Variants in OLFM3 observed in about 807,000 individuals in gnomAD.
The protein encoded by OLFM3 is noelin-3.
OLFM3 carries 20 observed loss-of-function variants against 48.6 expected under a neutral mutation model. That is an observed-to-expected ratio of 0.41 (90% CI 0.29 to 0.60). OLFM3 has a LOEUF of 0.60. Among genes scored for constraint, OLFM3 ranks in the 20% least tolerant of loss-of-function variants. OLFM3 has a pLI of 0.28. For synonymous variants in OLFM3, 222 were observed against 198.1 expected, an observed-to-expected ratio of 1.12 and a Z score of -1.01; for missense variants, 437 against 544.3, an observed-to-expected ratio of 0.80 and a Z score of 1.96.
chr1:101,852,112 T>G (rs2100949747), intron 1 of OLFM3, among the ~76,000 whole-genome samples: 1 of 151,814 alleles, frequency 6.6e-6, no homozygotes, highest in South Asian at 2.1e-4. Flanking sequence ...CCCAGCATCA[T>G]AAATACCACC....
chr1:101,904,774 C>T (rs1658500297), intron 1 of OLFM3, among the ~76,000 whole-genome samples: 2 of 152,072 alleles, frequency 1.3e-5, no homozygotes, highest in African/African-American at 4.8e-5. Flanking sequence ...ATAACTCTTA[C>T]AATTATGAAA....
At chr1:101,967,187 A>C (rs1048315804) in intron 1 of OLFM3, among the ~76,000 whole-genome samples, 2 of 152,112 alleles carry the variant, frequency 1.3e-5, no homozygotes, top group Admixed American at 6.5e-5. Context: ...ATCACTCAGT[A>C]ATTTGGGCTT....
At position 101,838,771 on chromosome 1, in the gene OLFM3, C is replaced by T. The variant is rs115043905; in HGVS notation, c.70-1746G>A. ...CTGCGACTAAAGCTCTAAGCCACCG[C>T]GCTGGGCCAGGAGCAAATTCTTAAA... is the stretch of plus-strand genomic sequence containing the variant. On this transcript the variant is annotated intron_variant, in intron 1 of 5. Transcript: ENST00000370103. 6.2e-3 allele frequency among the ~76,000 whole-genome samples: 938 copies of T among 152,284 alleles called. 11 individuals are homozygous for T. Among genetic ancestry groups the T allele is most frequent in the African/African-American group, 0.021 (878 of 41,556 alleles).
intron 1 of OLFM3, among the ~76,000 whole-genome samples, chr1:101,876,383 G>A (rs1418845404): frequency 6.6e-6 from 1 of 151,924 alleles, no homozygotes; most frequent in African/African-American, 2.4e-5. Flanking sequence ...AGCACTCAGA[G>A]AAAAGATGGC....
chr1:101,918,813 G>GGA (rs2101035955), intron 1 of OLFM3, among the ~76,000 whole-genome samples: 1 of 152,154 alleles, frequency 6.6e-6, no homozygotes, highest in Non-Finnish European at 1.5e-5. Context: ...CATTTTAGAT[G>GGA]TAAACACTGA....
chr1:101,961,684 T>C (rs865902675), intron 1 of OLFM3, among the ~76,000 whole-genome samples: 1 of 152,160 alleles, frequency 6.6e-6, no homozygotes, highest in South Asian at 2.1e-4. Flanking sequence ...GGAGAGACTA[T>C]GCATTAGAAA....
chr1:101,952,477 A>G (rs560560223), intron 1 of OLFM3, among the ~76,000 whole-genome samples: 6 of 152,236 alleles, frequency 3.9e-5, no homozygotes, highest in African/African-American at 1.4e-4. Flanking sequence ...AATAGAATCA[A>G]TGCTAGTAAA....
intron 1 of OLFM3, among the ~76,000 whole-genome samples, chr1:101,969,621 C>G (rs1197588088): frequency 2.6e-5 from 4 of 152,136 alleles, no homozygotes; most frequent in African/African-American, 9.7e-5. Context: ...TAACCAACTC[C>G]AACACATTAG....
intron 1 of OLFM3, among the ~76,000 whole-genome samples, chr1:101,843,870 GT>G (rs1456985407): frequency 6.6e-6 from 1 of 152,062 alleles, no homozygotes; most frequent in African/African-American, 2.4e-5. Context: ...ATGTTAATCT[GT>G]TTTTTTAACC....
chr1:101,906,168 T>C (rs964064322), intron 1 of OLFM3, among the ~76,000 whole-genome samples: 4 of 151,988 alleles, frequency 2.6e-5, no homozygotes, highest in African/African-American at 9.7e-5. Flanking sequence ...CTTGGAGAAA[T>C]GCCTTTTATA....
intron 1 of OLFM3, among the ~76,000 whole-genome samples, chr1:101,947,073 T>G (rs1488754157): frequency 6.6e-6 from 1 of 152,038 alleles, no homozygotes; most frequent in Non-Finnish European, 1.5e-5. Flanking sequence ...TCATTTTTCC[T>G]TGAGATGCTT....
intron 1 of OLFM3, chr1:101,893,841 A>C (rs1658095283): frequency 6.5e-6 from 1 of 153,170 alleles, no homozygotes; most frequent in Admixed American, 6.6e-5. Context: ...TTTTTGACAA[A>C]CTCCTTGCTG....
At chr1:101,985,263 CTTACT>C (rs1181861739) in intron 1 of OLFM3, among the ~76,000 whole-genome samples, 2 of 152,202 alleles carry the variant, frequency 1.3e-5, no homozygotes, top group African/African-American at 4.8e-5. Flanking sequence ...TCTCAAGATC[CTTACT>C]TTAGTCACAT....
intron 1 of OLFM3, among the ~76,000 whole-genome samples, chr1:101,991,313 C>G (rs1661405140): frequency 6.6e-6 from 1 of 151,992 alleles, no homozygotes; most frequent in South Asian, 2.1e-4. Context: ...GGTTTTGTAT[C>G]TTTCCCCAGT....
intron 1 of OLFM3, among the ~76,000 whole-genome samples, chr1:101,908,357 C>A (rs1658623508): frequency 6.6e-6 from 1 of 152,138 alleles, no homozygotes; most frequent in Admixed American, 6.5e-5. Flanking sequence ...GAGGAACAGT[C>A]CAAACCAAAT....
chr1:101,977,147 A>G (rs866384216), intron 1 of OLFM3, among the ~76,000 whole-genome samples: 1 of 152,222 alleles, frequency 6.6e-6, no homozygotes, highest in South Asian at 2.1e-4. Context: ...TTTTATTAAA[A>G]TGGAAGAGTA....
At chr1:101,933,470 G>A (rs1436227164) in intron 1 of OLFM3, among the ~76,000 whole-genome samples, 3 of 151,892 alleles carry the variant, frequency 2.0e-5, no homozygotes, top group East Asian at 1.9e-4. Flanking sequence ...ACTATGTAAC[G>A]AGACCAAATC....
At chr1:101,978,342 T>A (rs149936893) in intron 1 of OLFM3, among the ~76,000 whole-genome samples, 19 of 152,230 alleles carry the variant, frequency 1.2e-4, no homozygotes, top group African/African-American at 4.3e-4. Context: ...AAAGAAAAGG[T>A]ATGAGCGTTC....
intron 1 of OLFM3, among the ~76,000 whole-genome samples, chr1:101,845,187 ATTATT>A (rs1449569904): frequency 6.6e-6 from 1 of 151,570 alleles, no homozygotes; most frequent in Non-Finnish European, 1.5e-5. Flanking sequence ...TCTTATTATT[ATTATT>A]TTTTTTGCAA....
Sources: allele counts gnomAD v4.1 joint callset (sites outside exome capture counted in the v4.1 genomes callset), GRCh38; gene constraint gnomAD v4.1.1; transcripts MANE v1.5; gene names NCBI Gene and HGNC (gene_info 2026-07-23, HGNC 2026-07-21).